Variants in MRPS5 observed in about 807,000 individuals in gnomAD.
MRPS5 encodes small ribosomal subunit protein uS5m.
In MRPS5, 27 loss-of-function variants were observed where a neutral mutation model predicts 51.9. The observed-to-expected ratio is 0.52, with a 90% CI of 0.38 to 0.72. The LOEUF (loss-of-function observed/expected upper bound fraction) is 0.72. MRPS5 is among the 30% of genes least tolerant of loss of function. MRPS5 has a pLI of 0.00. For synonymous variants in MRPS5, 196 were observed against 193.2 expected, an observed-to-expected ratio of 1.01 and a Z score of -0.12; for missense variants, 570 against 545.7, an observed-to-expected ratio of 1.04 and a Z score of -0.44.
chr2:95,114,703 A>G (rs975865093), intron 3 of MRPS5, among the ~76,000 whole-genome samples: 5 of 152,222 alleles, frequency 3.3e-5, no homozygotes, highest in Non-Finnish European at 5.9e-5. Context: ...TTAGTGAACA[A>G]TATCTCCTTA....
Position 95,098,913 on chromosome 2 carries a change from T to C in MRPS5, c.931+1561A>G, listed in dbSNP as rs971073112. 2.1e-4 allele frequency among the ~76,000 whole-genome samples: 11 copies of C among 52,784 alleles called. No individual in the cohort carries two copies. In the Admixed American group the frequency reaches 2.7e-3, roughly 13 times the overall value. The allele number at this position is 52,784 out of a possible 152,430, so 34.6% of individuals were successfully genotyped here. Reference sequence around the variant, plus strand: ...CTTGCCAGAGAAATAAAAATTATTATTATTATTATTTTTTTTTTTTTTTTG... The same window carrying C: ...CTTGCCAGAGAAATAAAAATTATTACTATTATTATTTTTTTTTTTTTTTTG... On this transcript the variant is annotated intron_variant, in intron 10 of 11. Coordinates refer to ENST00000272418, the MANE Select transcript of MRPS5 (RefSeq NM_031902.5).
rs747787149 is a variant in MRPS5 at position 95,100,542 on chromosome 2, G to A, written c.869-6C>T. The A allele has an allele frequency of 3.8e-6, 6 of 1,596,754 alleles. No individual in the cohort carries two copies. The Admixed American group carries it at 8.4e-5, about 22-fold the overall frequency. On this transcript the variant is annotated splice_region_variant and splice_polypyrimidine_tract_variant and intron_variant, in intron 9 of 11. Coordinates refer to ENST00000272418, the MANE Select transcript of MRPS5 (RefSeq NM_031902.5). ...TAATGAAATATCATGGAATACTGGA[G>A]GGTAAAAACATAAACACAAGAGGAT...
At chr2:95,105,137 C>A (rs909469907) in intron 6 of MRPS5, among the ~76,000 whole-genome samples, 1 of 152,160 alleles carries the variant, frequency 6.6e-6, no homozygotes, top group African/African-American at 2.4e-5. Flanking sequence ...AAAATGTACA[C>A]CTCAGAAATT....
chr2:95,121,593 C>T, intron 1 of MRPS5, 141 bp downstream of exon 1: 5 of 917,212 alleles, frequency 5.5e-6, no homozygotes, highest in South Asian at 1.8e-5. Flanking sequence ...CACAGCGGCT[C>T]CGGCGGAAGG....
chr2:95,092,150 G>A (rs544944356), intron 10 of MRPS5: 1 of 152,358 alleles, frequency 6.6e-6, no homozygotes, highest in East Asian at 1.9e-4. Flanking sequence ...ACACCCACGT[G>A]ACAGTGGTCA....
chr2:95,112,615 C>T (rs1022747707), intron 3 of MRPS5, among the ~76,000 whole-genome samples: 1 of 152,104 alleles, frequency 6.6e-6, no homozygotes, highest in Admixed American at 6.5e-5. Context: ...AGACTATTTC[C>T]TACTGAAACA....
rs755084785 is a variant in MRPS5, at chr2:95,106,428, G to A, written c.667C>T (p.Leu223Phe). 14 of 1,403,840 alleles carry A rather than the reference G, an allele frequency of 1.0e-5. No individual in the cohort carries two copies. The East Asian group carries it at 4.9e-4, about 49-fold the overall frequency. The allele number at this position is 1,403,840 out of a possible 1,614,324, so 87.0% of individuals were successfully genotyped here. The change falls in exon 6 of 12, where the codon CTT becomes TTT. Residue 223 changes from leucine (L) to phenylalanine (F), a missense_variant. By Grantham distance (22) the Leu-to-Phe change is conservative (BLOSUM62 0). Coordinates refer to ENST00000272418, the MANE Select transcript of MRPS5 (RefSeq NM_031902.5). ...ATTTAATTCTGCATGCCTACCTCAA[G>A]TATCCTGGTATCAAAATCCTCATAT... Reference protein sequence around the residue: ...ETYEDFDTRILEVRNVFTMTA... With the variant: ...ETYEDFDTRIFEVRNVFTMTA...
intron 6 of MRPS5, 113 bp from the exon 7 acceptor site, chr2:95,104,843 C>A: frequency 1.2e-6 from 1 of 807,664 alleles, no homozygotes; most frequent in African/African-American, 1.7e-5. Context: ...ACACAGAGAA[C>A]AGGCACACCA....
rs546410080 is a variant in MRPS5, at chr2:95,100,890, T to C, written c.815A>G (p.Lys272Arg). The C allele has an allele frequency of 4.2e-5, 68 of 1,607,518 alleles. No individual in the cohort carries two copies. In the Middle Eastern group the frequency reaches 9.9e-4, roughly 23 times the overall value. Residue 272 changes from lysine (K) to arginine (R), a missense_variant, in exon 9 of 12, where the codon AAG (lysine) becomes AGG (arginine). Transcript: ENST00000272418. ...ATGCAAATGGTGAACTGCTCTGTTCTTTGCCTGAAAGGAAAATGTTTTTCT... is the reference window on the plus strand; with the variant it reads ...ATGCAAATGGTGAACTGCTCTGTTCCTTGCCTGAAAGGAAAATGTTTTTCT... ...TDRMDAFRKAKNRAVHHLHYI... is the reference protein window; with the variant it reads ...TDRMDAFRKARNRAVHHLHYI...
rs138314598 is a variant in MRPS5 at position 95,106,291 on chromosome 2, C to T, written c.672+132G>A. On this transcript the variant is annotated intron_variant, in intron 6 of 11. Coordinates refer to ENST00000272418, the MANE Select transcript of MRPS5 (RefSeq NM_031902.5). ...AATTAAAGTTGCACAATTTTCCTTACGCAGATCAGCTGTGTGTCAGAAATA... is the reference window on the plus strand; with the variant it reads ...AATTAAAGTTGCACAATTTTCCTTATGCAGATCAGCTGTGTGTCAGAAATA... 1.3e-3 allele frequency: 972 copies of T among 763,378 alleles called. 11 individuals carry two copies. Among genetic ancestry groups the T allele is most frequent in the African/African-American group, 2.5e-3 (148 of 58,326 alleles). 47.3% of individuals were successfully genotyped at this position (763,378 alleles called of 1,614,324 possible).
At position 95,085,620 on chromosome 2, in the gene MRPS5, T is replaced by G. The variant is rs909895157; in HGVS notation, c.*1737A>C. Among the ~76,000 whole-genome samples, 1 of 152,064 alleles carries G rather than the reference T, an allele frequency of 6.6e-6. No homozygotes were observed. Among genetic ancestry groups the G allele is most frequent in the African/African-American group, 2.4e-5 (1 of 41,406 alleles). On this transcript the variant is annotated 3_prime_UTR_variant, in exon 12 of 12. Transcript: ENST00000272418. ...TCCCACGGTGCCATTAGGGTGCTCC[T>G]CCTACTTCCAGCAGAAAGGCCTCAG...
intron 10 of MRPS5, chr2:95,091,832 G>A (rs1675475435): frequency 6.6e-6 from 1 of 152,236 alleles, no homozygotes; most frequent in Non-Finnish European, 1.5e-5. Context: ...GTTCTTCCAG[G>A]TGGAGTTATG....
rs774640082 is a variant in MRPS5, at chr2:95,117,909, A to G, written c.95T>C (p.Leu32Ser). 1 of 1,608,996 alleles carries G rather than the reference A, an allele frequency of 6.2e-7. No homozygotes were observed. The highest frequency in any genetic ancestry group is 1.1e-5 in the South Asian group (1 of 89,660). ...CCATGCCAAAATGGAAGCTGCTGGT[A>G]AGGTGTTTAGGGAACACTGCCTCCC... is the stretch of plus-strand genomic sequence containing the variant. ...LLGRQCSLNT[L>S]PAASILAWKS... Residue 32 changes from leucine to serine, a missense_variant, in exon 2 of 12, where the codon TTA (leucine) becomes TCA (serine). By Grantham distance (145) the Leu-to-Ser change is moderately radical. Coordinates refer to ENST00000272418, the MANE Select transcript of MRPS5 (RefSeq NM_031902.5).
intron 3 of MRPS5, among the ~76,000 whole-genome samples, chr2:95,114,684 A>G (rs1008523065): frequency 1.3e-5 from 2 of 152,222 alleles, no homozygotes; most frequent in Non-Finnish European, 2.9e-5. Context: ...ATCACAAATA[A>G]GACTAGTGTT....
At position 95,117,761 on chromosome 2, in the gene MRPS5, A is replaced by G. The variant is rs1676326306; in HGVS notation, c.139+104T>C. 20 of 930,074 alleles carry G rather than the reference A, an allele frequency of 2.2e-5. No homozygotes were observed. In the South Asian group the frequency reaches 3.0e-4, roughly 14 times the overall value. 57.6% of individuals were successfully genotyped at this position (930,074 alleles called of 1,614,324 possible). A position where few individuals can be genotyped will look rare whatever the true frequency, so the allele number is the denominator to read the frequency against. On this transcript the variant is annotated intron_variant, in intron 2 of 11. Coordinates refer to ENST00000272418, the MANE Select transcript of MRPS5 (RefSeq NM_031902.5). ...AGGCTAAAAAATGAAAAAAGAAAAG[A>G]GAGAAAAGAAAAAAGCAGGTGATTA...
At chr2:95,089,730 G>A (rs77910653) in intron 11 of MRPS5, among the ~76,000 whole-genome samples, 5,589 of 152,240 alleles carry the variant, frequency 0.037, 152 homozygotes, top group Admixed American at 0.072. Context: ...CAACTGAAAG[G>A]ACTAAATTAG....
At chr2:95,114,566 C>T (rs572933832) in intron 3 of MRPS5, among the ~76,000 whole-genome samples, 4 of 152,154 alleles carry the variant, frequency 2.6e-5, no homozygotes, top group African/African-American at 4.8e-5. Context: ...CCACCGCGCC[C>T]GGCCAATCCT....
At chr2:95,089,627 C>A (rs960641211) in intron 11 of MRPS5, among the ~76,000 whole-genome samples, 7 of 152,158 alleles carry the variant, frequency 4.6e-5, no homozygotes, top group East Asian at 1.9e-4. Flanking sequence ...CCCTACCAAC[C>A]CAGGCATCAG....
intron 6 of MRPS5, among the ~76,000 whole-genome samples, chr2:95,104,990 T>A (rs1467417182): frequency 1.3e-5 from 2 of 152,194 alleles, no homozygotes; most frequent in African/African-American, 4.8e-5. Flanking sequence ...TTTAAAGGAA[T>A]TTGACATTAT....
Sources: allele counts gnomAD v4.1 joint callset (sites outside exome capture counted in the v4.1 genomes callset), GRCh38; gene constraint gnomAD v4.1.1; transcripts MANE v1.5; gene names NCBI Gene and HGNC (gene_info 2026-07-23, HGNC 2026-07-21).